MAPKAPK3: variants seen among roughly 807,000 people sequenced by gnomAD.
The protein encoded by MAPKAPK3 is MAP kinase-activated protein kinase 3.
MAPKAPK3 carries 35 observed loss-of-function variants against 49.2 expected under a neutral mutation model. The ratio of observed to expected loss-of-function variants is 0.71; its 90% confidence interval spans 0.54 to 0.94. The LOEUF (loss-of-function observed/expected upper bound fraction) is 0.94. Among genes scored for constraint, MAPKAPK3 ranks in the 40% least tolerant of loss-of-function variants. The pLI, the probability that MAPKAPK3 is intolerant of heterozygous loss-of-function variation, is 0.00. For missense variants in MAPKAPK3, 398 were observed against 493.1 expected (o/e 0.81, Z 1.83); for synonymous variants, 178 against 188.7 (o/e 0.94, Z 0.46).
upstream of MAPKAPK3, chr3:50,611,641 A>G (rs2032330344): frequency 2.0e-6 from 3 of 1,505,872 alleles, no homozygotes; most frequent in Middle Eastern, 1.7e-4. Context: ...CCCTGAACGC[A>G]GAGGACCATG....
chr3:50,617,638 G>A lies in MAPKAPK3; in HGVS notation c.73G>A (p.Gly25Ser). ...AGTTGCACCCGGCGGACCCGGCTTGGGCGGTGCTCCGGGGGGGCGGCGGGA... is the reference window on the plus strand; with the variant it reads ...AGTTGCACCCGGCGGACCCGGCTTGAGCGGTGCTCCGGGGGGGCGGCGGGA... ...PPVAPGGPGL[G>S]GAPGGRREPK... is the part of the protein sequence containing the mutation. The change falls in exon 2 of 11, where the codon GGC becomes AGC. Residue 25 changes from glycine (G) to serine (S), a missense_variant. Coordinates refer to ENST00000621469, the MANE Select transcript of MAPKAPK3 (RefSeq NM_001243925.2). 1 of 1,609,480 alleles carries A rather than the reference G, an allele frequency of 6.2e-7. No individual in the cohort carries two copies. Among genetic ancestry groups the A allele is most frequent in the East Asian group, 2.2e-5 (1 of 44,880 alleles).
intron 10 of MAPKAPK3, 65 bp from the exon 11 acceptor site, chr3:50,647,829 G>C: frequency 6.7e-7 from 1 of 1,487,972 alleles, no homozygotes; most frequent in Non-Finnish European, 9.1e-7. Flanking sequence ...CCAGGCAGGG[G>C]GGTGATGGTT....
rs386396609 is a variant in MAPKAPK3 at position 50,635,406 on chromosome 3, C to CTTTTTT, written c.220-4936_220-4931dup. On this transcript the variant is annotated intron_variant, in intron 2 of 10. Coordinates refer to ENST00000621469, the MANE Select transcript of MAPKAPK3 (RefSeq NM_001243925.2). ...CTCACTGGGGCCTCCTCAATTTAATCTTTTTTTTTTTTTTTTTTTTTTTTT... is the reference window on the plus strand; with the variant it reads ...CTCACTGGGGCCTCCTCAATTTAATCTTTTTTTTTTTTTTTTTTTTTTTTTTTTTTT... Among the ~76,000 whole-genome samples, 34 of 48,624 alleles carry CTTTTTT rather than the reference C, an allele frequency of 7.0e-4. 2 individuals are homozygous for CTTTTTT. The highest frequency in any genetic ancestry group is 1.3e-3 in the African/African-American group (14 of 10,660). The allele number at this position is 48,624 out of a possible 152,430, so 31.9% of individuals were successfully genotyped here. A position where few individuals can be genotyped will look rare whatever the true frequency, so the allele number is the denominator to read the frequency against.
At chr3:50,617,036 C>T (rs534219132), upstream of MAPKAPK3, 3 of 149,320 alleles carry the variant, frequency 2.0e-5, no homozygotes, top group African/African-American at 7.4e-5. Context: ...CCCTTTAAGG[C>T]TGACCTAGCG....
intron 2 of MAPKAPK3, among the ~76,000 whole-genome samples, chr3:50,621,185 CG>C (rs2032600707): frequency 6.6e-6 from 1 of 152,158 alleles, no homozygotes; most frequent in Admixed American, 6.5e-5. Flanking sequence ...AGGCTGGGTG[CG>C]GTGGCTTGTG....
rs2032498098 is a variant in MAPKAPK3, at chr3:50,617,506, T to C, written c.-52-8T>C. 2 of 810,178 alleles carry C rather than the reference T, an allele frequency of 2.5e-6. No homozygotes were observed. Among genetic ancestry groups the C allele is most frequent in the Admixed American group, 2.3e-5 (1 of 43,848 alleles). 50.2% of individuals were successfully genotyped at this position (810,178 alleles called of 1,614,324 possible). Reference sequence around the variant, plus strand: ...CTGGGCGGGACTCACTCTTCCCCTTTCCCCCAGGTGCCACTAGAAGCGCCA... The same window carrying C: ...CTGGGCGGGACTCACTCTTCCCCTTCCCCCCAGGTGCCACTAGAAGCGCCA... On this transcript the variant is annotated splice_region_variant and splice_polypyrimidine_tract_variant and intron_variant, in intron 1 of 10. Coordinates refer to ENST00000621469, the MANE Select transcript of MAPKAPK3 (RefSeq NM_001243925.2).
At chr3:50,647,026 T>C (rs1037034157) in intron 9 of MAPKAPK3, 97 bp from the exon 10 acceptor site, 3 of 1,234,758 alleles carry the variant, frequency 2.4e-6, no homozygotes, top group Non-Finnish European at 2.3e-6. Context: ...GCCTTGGTTT[T>C]TCCATCTGAG....
At chr3:50,624,200 G>A (rs2032678011) in intron 2 of MAPKAPK3, among the ~76,000 whole-genome samples, 3 of 152,206 alleles carry the variant, frequency 2.0e-5, no homozygotes, top group African/African-American at 7.2e-5. Context: ...GTTTAATTCA[G>A]ACCTCTGGTT....
At chr3:50,618,925 G>A (rs567585196) in intron 2 of MAPKAPK3, among the ~76,000 whole-genome samples, 2 of 152,188 alleles carry the variant, frequency 1.3e-5, no homozygotes, top group African/African-American at 2.4e-5. Context: ...TCTTGACCTC[G>A]TGATCTGCCT....
chr3:50,621,084 C>T (rs369905815), intron 2 of MAPKAPK3, among the ~76,000 whole-genome samples: 35 of 152,290 alleles, frequency 2.3e-4, no homozygotes, highest in Non-Finnish European at 4.4e-4. Flanking sequence ...ATTTTCTCCC[C>T]TCCTGACATC....
At chr3:50,646,546 A>G (rs876104) in intron 8 of MAPKAPK3, among the ~76,000 whole-genome samples, 194 bp from the exon 9 acceptor site, 132,548 of 152,290 alleles carry the variant, frequency 0.87, 59,404 homozygotes, top group Non-Finnish European at 0.99. Context: ...TGAGTTATCT[A>G]CTGCTGCTTA....
intron 5 of MAPKAPK3, among the ~76,000 whole-genome samples, chr3:50,643,693 G>A (rs988144717): frequency 1.3e-5 from 2 of 152,026 alleles, no homozygotes; most frequent in African/African-American, 4.8e-5. Flanking sequence ...TCACAATTGA[G>A]AAGGTCAGAT....
upstream of MAPKAPK3, among the ~76,000 whole-genome samples, chr3:50,616,296 C>A (rs2032462858): frequency 1.3e-5 from 2 of 151,794 alleles, no homozygotes; most frequent in Admixed American, 1.3e-4. Context: ...GTTGTTTTCT[C>A]CCCAGGGGTC....
Position 50,647,935 on chromosome 3 carries a change from C to A in MAPKAPK3, c.1038C>A (p.Tyr346Ter), listed in dbSNP as rs199560575. ...CCTTGGCCACTATGCGGGTAGACTACGACCAGGTGAAGATCAAGGACCTGA... is the reference window on the plus strand; with the variant it reads ...CCTTGGCCACTATGCGGGTAGACTAAGACCAGGTGAAGATCAAGGACCTGA... ...TSALATMRVDYDQVKIKDLKT... is the reference protein window; with the variant it reads ...TSALATMRVD The change falls in exon 11 of 11, where the codon TAC becomes TAA. Residue 346 changes from tyrosine to a stop codon, truncating the protein, a stop_gained. Coordinates refer to ENST00000621469, the MANE Select transcript of MAPKAPK3 (RefSeq NM_001243925.2). LOFTEE classifies it high-confidence loss of function. 5 of 1,613,852 alleles carry A rather than the reference C, an allele frequency of 3.1e-6. No individual in the cohort carries two copies. The highest frequency in any genetic ancestry group is 4.2e-6 in the Non-Finnish European group (5 of 1,179,988).
At chr3:50,631,394 A>G (rs1044772264) in intron 2 of MAPKAPK3, among the ~76,000 whole-genome samples, 4 of 152,234 alleles carry the variant, frequency 2.6e-5, no homozygotes, top group Non-Finnish European at 5.9e-5. Flanking sequence ...TTTAAGAAGG[A>G]AAAGTCTGCT....
At chr3:50,640,220 GA>G (rs869156070) in intron 2 of MAPKAPK3, 145 bp from the exon 3 acceptor site, 1 of 810,212 alleles carries the variant, frequency 1.2e-6, no homozygotes, top group Non-Finnish European at 1.9e-6. Context: ...ACAAGTCAGA[GA>G]AACCTAGATT....
In MAPKAPK3 at chr3:50,641,695, C is replaced by T; in HGVS notation, c.360-12C>T. On this transcript the variant is annotated splice_polypyrimidine_tract_variant and intron_variant, in intron 3 of 10. Coordinates refer to ENST00000621469, the MANE Select transcript of MAPKAPK3 (RefSeq NM_001243925.2). ...GTTTCCCCCTCTCTGCTTATAGTCA[C>T]CTCTTTTACAGCATGGAAGGTGGTG... The T allele has an allele frequency of 6.2e-7, 1 of 1,613,112 alleles. No individual in the cohort carries two copies. Among genetic ancestry groups the T allele is most frequent in the Non-Finnish European group, 8.5e-7 (1 of 1,179,074 alleles).
chr3:50,621,877 C>G (rs1360536651), intron 2 of MAPKAPK3, among the ~76,000 whole-genome samples: 3 of 152,224 alleles, frequency 2.0e-5, no homozygotes, highest in African/African-American at 7.2e-5. Context: ...GGCTCTTCCC[C>G]TCTGACCCCT....
chr3:50,637,471 C>T (rs2033067633), intron 2 of MAPKAPK3, among the ~76,000 whole-genome samples: 1 of 151,690 alleles, frequency 6.6e-6, no homozygotes, highest in Non-Finnish European at 1.5e-5. Context: ...CCCATCTCCA[C>T]TAAAAATGCA....
Sources: gnomAD v4.1 joint callset for allele counts (sites outside exome capture counted in the v4.1 genomes callset) on GRCh38, gnomAD v4.1.1 for gene constraint, MANE v1.5 for transcripts, NCBI Gene and HGNC (gene_info 2026-07-23, HGNC 2026-07-21) for gene names.